The following DDX60L variants were observed in gnomAD, a reference collection of about 807,000 sequenced individuals.
DDX60L encodes the protein probable ATP-dependent RNA helicase DDX60-like.
A neutral mutation model predicts 211.6 loss-of-function variants in DDX60L; 191 were observed. The ratio of observed to expected loss-of-function variants is 0.90; its 90% CI spans 0.80 to 1.02. DDX60L has a LOEUF of 1.02. Among genes scored for constraint, DDX60L ranks in the 50% least tolerant of loss-of-function variants. The pLI is 0.00. For synonymous variants in DDX60L, 706 were observed against 694.1 expected, an observed-to-expected ratio of 1.02 and a Z score of -0.27; for missense variants, 2,007 against 1,984.1, an observed-to-expected ratio of 1.01 and a Z score of -0.22.
intron 22 of DDX60L, among the ~76,000 whole-genome samples, chr4:168,414,323 T>C (rs1749165849): frequency 6.6e-6 from 1 of 152,040 alleles, no homozygotes; most frequent in Non-Finnish European, 1.5e-5. Flanking sequence ...ACACAGAATA[T>C]TATAACATTG....
In DDX60L at chr4:168,396,072, T is replaced by A. The variant is rs1207782920; in HGVS notation, c.3544A>T (p.Arg1182Ter). ...AEKLERKKVY[R>*]AEYINFLENL... Reference sequence around the variant, plus strand: ...TCCAGGAAATTAATATATTCAGCTCTATACACTTTTTTTCTTTCCAGTTTT... The same window carrying A: ...TCCAGGAAATTAATATATTCAGCTCAATACACTTTTTTTCTTTCCAGTTTT... The change falls in exon 27 of 38, where the codon AGA becomes TGA. Residue 1182 changes from arginine (R) to a stop codon, truncating the protein, a stop_gained. Transcript: ENST00000682922. LOFTEE classifies it high-confidence loss of function. 2 of 1,587,944 alleles carry A rather than the reference T, an allele frequency of 1.3e-6. No homozygotes were observed. Among genetic ancestry groups the A allele is most frequent in the Non-Finnish European group, 1.7e-6 (2 of 1,167,152 alleles).
intron 37 of DDX60L, among the ~76,000 whole-genome samples, chr4:168,359,321 G>A (rs865793458): frequency 6.6e-6 from 1 of 152,086 alleles, no homozygotes; most frequent in African/African-American, 2.4e-5. Flanking sequence ...ATGTCTTATA[G>A]ACAACACATG....
chr4:168,373,809 C>A lies in DDX60L; in HGVS notation c.4634-1G>T. On this transcript the variant is annotated splice_acceptor_variant, in intron 34 of 37. Transcript: ENST00000682922. LOFTEE classifies it high-confidence loss of function. Reference sequence around the variant, plus strand: ...TCTTCACATTCTTTACCTGTGAATTCTGACCATTTTGGACTAGGTCACGTT... The same window carrying A: ...TCTTCACATTCTTTACCTGTGAATTATGACCATTTTGGACTAGGTCACGTT... 1 of 1,612,772 alleles carries A rather than the reference C, an allele frequency of 6.2e-7. No individual in the cohort carries two copies. The highest frequency in any genetic ancestry group is 8.5e-7 in the Non-Finnish European group (1 of 1,179,358).
rs1561116105 is a variant in DDX60L, at chr4:168,457,936, CT to C, written c.678del (p.Ala227GlnfsTer7). The C allele has an allele frequency of 6.4e-7, 1 of 1,569,624 alleles. No homozygotes were observed. Among genetic ancestry groups the C allele is most frequent in the Non-Finnish European group, 8.7e-7 (1 of 1,155,572 alleles). On this transcript the variant is annotated frameshift_variant, in exon 6 of 38. Coordinates refer to ENST00000682922, the MANE Select transcript of DDX60L (RefSeq NM_001012967.3). LOFTEE classifies it high-confidence loss of function. Reference sequence around the variant, plus strand: ...CATTTCAAATGTTCAAAATGAGTTGCTAATACTAAAACCCTTATTTCTTCCA... The same window carrying C: ...CATTTCAAATGTTCAAAATGAGTTGCAATACTAAAACCCTTATTTCTTCCA... ...QHLEEIRVLV[L>X]ATHFEHLKWN...
chr4:168,358,365 C>T (rs1316161834), intron 37 of DDX60L, 89 bp from the exon 38 acceptor site: 5 of 955,808 alleles, frequency 5.2e-6, no homozygotes, highest in Non-Finnish European at 6.0e-6. Flanking sequence ...AAGTAATTCC[C>T]CCCAAAATCT....
chr4:168,386,063 T>C (rs1218327461), intron 29 of DDX60L, among the ~76,000 whole-genome samples: 1 of 151,752 alleles, frequency 6.6e-6, no homozygotes, highest in African/African-American at 2.4e-5. Flanking sequence ...ATAGGGAAAG[T>C]TCTCAGCCTT....
chr4:168,453,309 A>T (rs748263907), intron 7 of DDX60L, 27 bp from the exon 8 acceptor site: 2 of 1,588,064 alleles, frequency 1.3e-6, no homozygotes. Flanking sequence ...AGATGAGAAC[A>T]GTCACAATGT....
chr4:168,365,040 T>C (rs1388950775), intron 36 of DDX60L, among the ~76,000 whole-genome samples: 2 of 152,088 alleles, frequency 1.3e-5, no homozygotes, highest in Admixed American at 1.3e-4. Flanking sequence ...AGTTTTAAAA[T>C]GGAATTTATA....
chr4:168,453,171 C>T lies in DDX60L; in HGVS notation c.949G>A (p.Val317Ile), dbSNP rs1256349591. Residue 317 changes from valine (V) to isoleucine (I), a missense_variant, in exon 8 of 38, where the codon GTC (valine) becomes ATC (isoleucine). Coordinates refer to ENST00000682922, the MANE Select transcript of DDX60L (RefSeq NM_001012967.3). The part of the protein sequence containing the change: ...LPLSQRACSR[V>I]ITCSWIRNSD... ...TTCCTAATCCAAGAGCATGTGATGA[C>T]TCGAGAACAAGCTCTCTGAGAAAGG... is the stretch of plus-strand genomic sequence containing the variant. 1.2e-6 allele frequency: 2 copies of T among 1,613,130 alleles called. No homozygotes were observed. Among genetic ancestry groups the T allele is most frequent in the Non-Finnish European group, 1.7e-6 (2 of 1,179,518 alleles).
intron 36 of DDX60L, among the ~76,000 whole-genome samples, chr4:168,369,805 G>A (rs904302612): frequency 7.9e-5 from 12 of 152,030 alleles, no homozygotes; most frequent in Non-Finnish European, 1.5e-4. Context: ...AGGCCAACAG[G>A]TATATGAAAA....
chr4:168,478,672 C>A (rs10002308), intron 1 of DDX60L, among the ~76,000 whole-genome samples: 57,413 of 151,930 alleles, frequency 0.38, 11,246 homozygotes, highest in African/African-American at 0.49. Flanking sequence ...AAAGCTAATC[C>A]TGAGAAGAAT....
chr4:168,366,137 C>T (rs1739948371), intron 36 of DDX60L, among the ~76,000 whole-genome samples: 2 of 152,004 alleles, frequency 1.3e-5, no homozygotes, highest in African/African-American at 4.8e-5. Context: ...TAGTCCTAGC[C>T]AGGGCAAGCA....
chr4:168,479,554 T>C (rs1189624762), intron 1 of DDX60L, among the ~76,000 whole-genome samples: 1 of 152,178 alleles, frequency 6.6e-6, no homozygotes, highest in Non-Finnish European at 1.5e-5. Flanking sequence ...TCTTTGATTA[T>C]GGAAAACCTT....
chr4:168,394,661 T>C, intron 27 of DDX60L, 44 bp from the exon 28 acceptor site: 1 of 1,536,668 alleles, frequency 6.5e-7, no homozygotes, highest in African/African-American at 1.4e-5. Flanking sequence ...ATGTATTTTA[T>C]TTAATTTCAA....
In DDX60L at chr4:168,471,789, A is replaced by G. The variant is rs184232305; in HGVS notation, c.222T>C (p.Asp74=). 3 of 1,610,868 alleles carry G rather than the reference A, an allele frequency of 1.9e-6. No individual in the cohort carries two copies. The highest frequency in any genetic ancestry group is 8.5e-7 in the Non-Finnish European group (1 of 1,179,300). The change falls in exon 4 of 38, where the codon GAT becomes GAC. Residue 74 remains aspartate, a synonymous_variant. Transcript: ENST00000682922. ...FFYLVECYLV[D]LLSNGGQFTI... ...TGAATTGTCCTCCGTTACTCAGAAG[A>G]TCCACAAGATAGCATTCAACCAGAT...
At chr4:168,430,328 G>T (rs904620416) in intron 13 of DDX60L, 150 bp downstream of exon 13, 3 of 598,828 alleles carry the variant, frequency 5.0e-6, no homozygotes, top group Admixed American at 8.0e-5. Context: ...CCAATCGCAG[G>T]TATATCTTTC....
intron 9 of DDX60L, among the ~76,000 whole-genome samples, chr4:168,442,360 C>A (rs1754007390): frequency 1.3e-5 from 2 of 152,094 alleles, no homozygotes; most frequent in East Asian, 1.9e-4. Context: ...CCTACGCCCA[C>A]GGAGTCTCGC....
chr4:168,427,372 T>C, intron 13 of DDX60L, 50 bp from the exon 14 acceptor site: 1 of 1,575,262 alleles, frequency 6.3e-7, no homozygotes, highest in Non-Finnish European at 8.6e-7. Context: ...AATTCCATTA[T>C]GACATTTCAC....
intron 31 of DDX60L, 36 bp downstream of exon 31, chr4:168,379,690 A>G (rs746493457): frequency 6.6e-7 from 1 of 1,506,556 alleles, no homozygotes; most frequent in South Asian, 1.1e-5. Flanking sequence ...ACACGGTACT[A>G]GTTACAGAGA....
Sources: allele counts gnomAD v4.1 joint callset (sites outside exome capture counted in the v4.1 genomes callset), GRCh38; gene constraint gnomAD v4.1.1; transcripts MANE v1.5; gene names NCBI Gene and HGNC (gene_info 2026-07-23, HGNC 2026-07-21).